Variants in SPDYA observed in about 807,000 individuals in gnomAD.
SPDYA encodes speedy/RINGO cell cycle regulator family member A.
Under a neutral mutation model 36.7 loss-of-function variants are expected in SPDYA, and 11 were observed. That is an observed-to-expected ratio of 0.30 (90% CI 0.19 to 0.50). The LOEUF (loss-of-function observed/expected upper bound fraction) is 0.50. Ranked by LOEUF, SPDYA falls within the 20% of genes least tolerant of loss-of-function variation. SPDYA has a pLI of 0.98. For synonymous variants in SPDYA, 115 were observed against 118.7 expected, an observed-to-expected ratio of 0.97 and a Z score of 0.20; for missense variants, 287 against 370.9, an observed-to-expected ratio of 0.77 and a Z score of 1.86.
chr2:28,823,802 G>GTA (rs1442919988), intron 5 of SPDYA, among the ~76,000 whole-genome samples: 6 of 127,552 alleles, frequency 4.7e-5, no homozygotes, highest in African/African-American at 1.8e-4. Flanking sequence ...CTGGAGTGCA[G>GTA]TGGCGTGATC....
At chr2:28,815,014 G>C (rs911805978) in intron 2 of SPDYA, among the ~76,000 whole-genome samples, 1 of 152,100 alleles carries the variant, frequency 6.6e-6, no homozygotes, top group Non-Finnish European at 1.5e-5. Context: ...AGGCATGATG[G>C]CTCAAGCCCA....
chr2:28,815,006 G>T (rs554027158), intron 2 of SPDYA, among the ~76,000 whole-genome samples: 1 of 152,076 alleles, frequency 6.6e-6, no homozygotes, highest in African/African-American at 2.4e-5. Flanking sequence ...AACAGGCCAG[G>T]CATGATGGCT....
intron 1 of SPDYA, among the ~76,000 whole-genome samples, chr2:28,814,294 TAGTATC>T (rs1259757110): frequency 1.3e-5 from 2 of 152,148 alleles, no homozygotes; most frequent in African/African-American, 4.8e-5. Context: ...GTTGAAAAAT[TAGTATC>T]AGAACAGATT....
rs561323137 is a variant in SPDYA at position 28,819,999 on chromosome 2, A to G, written c.294+893A>G. Among the ~76,000 whole-genome samples, 343 of 150,018 alleles carry G rather than the reference A, an allele frequency of 2.3e-3. 3 individuals carry two copies. The highest frequency in any genetic ancestry group is 8.2e-3 in the African/African-American group (334 of 40,588). On this transcript the variant is annotated intron_variant, in intron 4 of 7. Transcript: ENST00000334056. ...GCACTCCAGCCTGGGTGACAGAGCC[A>G]GACCCTGTCTCAAAAACGAACAAAA... is the stretch of plus-strand genomic sequence containing the variant.
chr2:28,828,090 G>C (rs1011289152), intron 5 of SPDYA, among the ~76,000 whole-genome samples: 1 of 151,736 alleles, frequency 6.6e-6, no homozygotes, highest in East Asian at 1.9e-4. Flanking sequence ...GGGTTCAAGC[G>C]ATTCTCCTGC....
intron 5 of SPDYA, among the ~76,000 whole-genome samples, chr2:28,826,947 TTC>T (rs1490185914): frequency 2.1e-5 from 3 of 143,596 alleles, no homozygotes; most frequent in Non-Finnish European, 3.0e-5. Context: ...TTTCTTTTCT[TTC>T]TTTTTTTTTT....
At chr2:28,849,333 C>G (rs570018004) in intron 7 of SPDYA, among the ~76,000 whole-genome samples, 1 of 152,238 alleles carries the variant, frequency 6.6e-6, no homozygotes, top group South Asian at 2.1e-4. Context: ...GCCCTGTCAC[C>G]CAGGCTGGAG....
At chr2:28,815,956 T>G (rs1667973122) in intron 2 of SPDYA, 41 bp from the exon 3 acceptor site, 5 of 1,314,478 alleles carry the variant, frequency 3.8e-6, no homozygotes, top group Non-Finnish European at 5.4e-6. Context: ...ATATATGAAA[T>G]GAATGTGTGT....
intron 5 of SPDYA, among the ~76,000 whole-genome samples, chr2:28,827,360 A>C (rs1483637381): frequency 6.6e-6 from 1 of 152,160 alleles, no homozygotes; most frequent in Non-Finnish European, 1.5e-5. Context: ...TTTCATTATA[A>C]AATTTTCCAT....
intron 4 of SPDYA, among the ~76,000 whole-genome samples, chr2:28,819,845 AAAAAATATATATATATATATATATATAT>A (rs1251005630): frequency 7.3e-4 from 24 of 33,018 alleles, no homozygotes; most frequent in African/African-American, 3.7e-3. Flanking sequence ...AAAAAAAAAA[AAAAAATATATATATATATATATATATAT>A]ATATATATAT....
intron 7 of SPDYA, among the ~76,000 whole-genome samples, chr2:28,844,178 A>G (rs1008525681): frequency 1.3e-5 from 2 of 152,360 alleles, no homozygotes; most frequent in Admixed American, 1.3e-4. Context: ...CATATAAGTT[A>G]ATAATGTGAT....
At chr2:28,819,841 AAAAAAAAAATATATATATATATATATAT>A (rs1447218831) in intron 4 of SPDYA, among the ~76,000 whole-genome samples, 28 of 49,926 alleles carry the variant, frequency 5.6e-4, no homozygotes, top group African/African-American at 2.6e-3. Flanking sequence ...AAAAAAAAAA[AAAAAAAAAATATATATATATATATATAT>A]ATATATATAT....
Position 28,850,088 on chromosome 2 carries a change from TA to T in SPDYA, c.*149del. 1 of 1,175,472 alleles carries T rather than the reference TA, an allele frequency of 8.5e-7. No homozygotes were observed. Among genetic ancestry groups the T allele is most frequent in the Non-Finnish European group, 1.2e-6 (1 of 812,738 alleles). 72.8% of individuals were successfully genotyped at this position (1,175,472 alleles called of 1,614,324 possible). ...TTCAAAATTATATGTATAAGTTATA[TA>T]AGTCATAGTAATAGCTAAAAATGCC... is the stretch of plus-strand genomic sequence containing the variant. On this transcript the variant is annotated 3_prime_UTR_variant, in exon 8 of 8. Coordinates refer to ENST00000334056, the MANE Select transcript of SPDYA (RefSeq NM_182756.4).
intron 5 of SPDYA, among the ~76,000 whole-genome samples, chr2:28,827,027 C>T (rs893969672): frequency 2.0e-5 from 3 of 151,054 alleles, no homozygotes; most frequent in Admixed American, 6.6e-5. Context: ...GCAAGCTCCG[C>T]CTCCGGGTTC....
intron 7 of SPDYA, among the ~76,000 whole-genome samples, chr2:28,846,176 G>A (rs1041945324): frequency 6.6e-6 from 1 of 152,076 alleles, no homozygotes; most frequent in East Asian, 1.9e-4. Context: ...AGGCTGAAGC[G>A]GGCAGATCAC....
chr2:28,822,319 T>G lies in SPDYA; in HGVS notation c.295-6T>G. The stretch of plus-strand genomic sequence containing the variant: ...TAATATTAATTTTTAACTTTTTTCC[T>G]TATAGTATCTTTTGGCTATGACCTT... On this transcript the variant is annotated splice_polypyrimidine_tract_variant and splice_region_variant and intron_variant, in intron 4 of 7. Transcript: ENST00000334056. The G allele has an allele frequency of 6.9e-7, 1 of 1,452,474 alleles. No individual in the cohort carries two copies. The highest frequency in any genetic ancestry group is 9.4e-7 in the Non-Finnish European group (1 of 1,068,650). The allele number at this position is 1,452,474 out of a possible 1,614,324, so 90.0% of individuals were successfully genotyped here.
At chr2:28,837,260 A>G (rs190336927) in intron 6 of SPDYA, among the ~76,000 whole-genome samples, 1 of 152,338 alleles carries the variant, frequency 6.6e-6, no homozygotes, top group Admixed American at 6.5e-5. Context: ...TTAAAAAATT[A>G]TAATTATCAT....
At chr2:28,844,911 C>CA (rs375353989) in intron 7 of SPDYA, among the ~76,000 whole-genome samples, 4 of 152,012 alleles carry the variant, frequency 2.6e-5, no homozygotes, top group African/African-American at 9.6e-5. Flanking sequence ...CCAGCCTGGG[C>CA]AACAGAGTGA....
chr2:28,813,335 T>C (rs1467151418), intron 1 of SPDYA, among the ~76,000 whole-genome samples: 1 of 152,238 alleles, frequency 6.6e-6, no homozygotes, highest in East Asian at 1.9e-4. Context: ...TATCCATGGT[T>C]GTTTTAATAT....
Sources: gnomAD v4.1 joint callset for allele counts (sites outside exome capture counted in the v4.1 genomes callset) on GRCh38, gnomAD v4.1.1 for gene constraint, MANE v1.5 for transcripts, NCBI Gene and HGNC (gene_info 2026-07-23, HGNC 2026-07-21) for gene names.